The following GNG2 variants were observed in gnomAD, a reference collection of about 807,000 sequenced individuals.
GNG2 encodes the protein G protein subunit gamma 2.
In GNG2, 5 loss-of-function variants were observed where a neutral mutation model predicts 5.5. That is an observed-to-expected ratio of 0.91 (90% confidence interval 0.48 to 1.92). The LOEUF is 1.92. Ranked by LOEUF, GNG2 falls within the 30% of genes most tolerant of loss-of-function variation. The pLI is 0.01. For missense variants in GNG2, 55 were observed against 88.4 expected (o/e 0.62, Z 1.52); for synonymous variants, 28 against 32.0 (o/e 0.88, Z 0.42).
At chr14:51,942,346 G>T (rs1049980577) in intron 2 of GNG2, among the ~76,000 whole-genome samples, 1 of 151,798 alleles carries the variant, frequency 6.6e-6, no homozygotes, top group Admixed American at 6.6e-5. Flanking sequence ...ATTCATTGTT[G>T]ACTGGCCTAC....
intron 2 of GNG2, among the ~76,000 whole-genome samples, chr14:51,939,504 G>C (rs1203536176): frequency 2.0e-5 from 3 of 152,150 alleles, no homozygotes; most frequent in Non-Finnish European, 4.4e-5. Context: ...GCGTGAGACA[G>C]GGAAGCCATG....
chr14:51,912,255 A>G (rs1042659796), intron 2 of GNG2, among the ~76,000 whole-genome samples: 3 of 151,996 alleles, frequency 2.0e-5, no homozygotes, highest in Non-Finnish European at 4.4e-5. Flanking sequence ...AGAATGGGGG[A>G]GATATAGTAA....
At chr14:51,866,468 T>C (rs1336730299) in intron 1 of GNG2, among the ~76,000 whole-genome samples, 1 of 152,242 alleles carries the variant, frequency 6.6e-6, no homozygotes, top group Non-Finnish European at 1.5e-5. Context: ...CTCAACCTCA[T>C]TCTTACCACC....
intron 2 of GNG2, among the ~76,000 whole-genome samples, chr14:51,915,334 A>G (rs1886552627): frequency 6.6e-6 from 1 of 152,226 alleles, no homozygotes; most frequent in Non-Finnish European, 1.5e-5. Flanking sequence ...ATTATGAGGG[A>G]GAGGATGCAT....
At chr14:51,953,847 C>A (rs1027827003) in intron 3 of GNG2, among the ~76,000 whole-genome samples, 1 of 152,174 alleles carries the variant, frequency 6.6e-6, no homozygotes, top group Admixed American at 6.6e-5. Context: ...CAGGAAGGGG[C>A]TTCTCTCTGA....
At chr14:51,958,764 C>T (rs1196869872) in intron 3 of GNG2, among the ~76,000 whole-genome samples, 1 of 152,106 alleles carries the variant, frequency 6.6e-6, no homozygotes, top group African/African-American at 2.4e-5. Flanking sequence ...GCTCTGATAT[C>T]CCATCATGAG....
At chr14:51,827,076 G>A (rs1417398919) in intron 1 of GNG2, among the ~76,000 whole-genome samples, 2 of 152,152 alleles carry the variant, frequency 1.3e-5, no homozygotes, top group African/African-American at 4.8e-5. Context: ...GAGGCTAGAC[G>A]GTGACAGCAG....
chr14:51,882,499 C>T (rs375385294), intron 2 of GNG2, among the ~76,000 whole-genome samples: 1 of 152,068 alleles, frequency 6.6e-6, no homozygotes, highest in African/African-American at 2.4e-5. Flanking sequence ...ATTAGGAAAC[C>T]CTTGAAGGGT....
chr14:51,839,634 C>T (rs1180092992), intron 2 of GNG2, among the ~76,000 whole-genome samples: 5 of 152,036 alleles, frequency 3.3e-5, no homozygotes, highest in African/African-American at 9.7e-5. Context: ...GAGTTAACTG[C>T]AAAGGAGTAT....
At chr14:51,927,228 T>A (rs1887384724) in intron 2 of GNG2, among the ~76,000 whole-genome samples, 1 of 7,010 alleles carries the variant, frequency 1.4e-4, no homozygotes, top group Admixed American at 1.5e-3. Context: ...TAAGACTCAT[T>A]GGGTGAATAA....
At chr14:51,869,945 C>T (rs2140119235) in intron 1 of GNG2, among the ~76,000 whole-genome samples, 1 of 152,282 alleles carries the variant, frequency 6.6e-6, no homozygotes, top group South Asian at 2.1e-4. Context: ...CTCCCGAGGC[C>T]ATGGAGCAGC....
intron 2 of GNG2, among the ~76,000 whole-genome samples, chr14:51,852,190 A>G (rs1192151982): frequency 1.3e-5 from 2 of 152,228 alleles, no homozygotes; most frequent in Non-Finnish European, 2.9e-5. Context: ...ATCATAAACA[A>G]TAATGTATAA....
intron 2 of GNG2, among the ~76,000 whole-genome samples, chr14:51,830,758 C>T (rs1300073045): frequency 1.3e-5 from 2 of 152,180 alleles, no homozygotes; most frequent in South Asian, 2.1e-4. Context: ...TCTTAATAAG[C>T]CTCCTTGCTT....
At chr14:51,918,508 G>A (rs1594914387) in intron 2 of GNG2, 1 of 152,210 alleles carries the variant, frequency 6.6e-6, no homozygotes, top group Non-Finnish European at 1.5e-5. Flanking sequence ...TAAAAGAACA[G>A]TTGTACATCT....
intron 2 of GNG2, among the ~76,000 whole-genome samples, chr14:51,889,336 C>T (rs1430368366): frequency 6.6e-6 from 1 of 152,032 alleles, no homozygotes; most frequent in African/African-American, 2.4e-5. Flanking sequence ...TGGTCACAAA[C>T]TCCTGACCTC....
At chr14:51,879,665 C>T (rs1171943835) in intron 2 of GNG2, among the ~76,000 whole-genome samples, 1 of 152,192 alleles carries the variant, frequency 6.6e-6, no homozygotes, top group Non-Finnish European at 1.5e-5. Flanking sequence ...TCTTCAAAGC[C>T]AGTAGCATTG....
intron 2 of GNG2, among the ~76,000 whole-genome samples, chr14:51,889,539 T>C (rs1449888896): frequency 1.3e-5 from 2 of 152,242 alleles, no homozygotes; most frequent in African/African-American, 4.8e-5. Flanking sequence ...TTTCATTATA[T>C]ATCAGTAAAA....
chr14:51,847,351 A>G (rs1881663225), intron 2 of GNG2: 1 of 152,290 alleles, frequency 6.6e-6, no homozygotes, highest in South Asian at 2.1e-4. Context: ...AGATTCTCTG[A>G]CACTTCAAGT....
intron 2 of GNG2, among the ~76,000 whole-genome samples, chr14:51,902,728 C>CA (rs566093827): frequency 8.2e-4 from 124 of 152,130 alleles, no homozygotes; most frequent in Middle Eastern, 3.4e-3. Context: ...ACTGTCTGTA[C>CA]AAAAAATTTA....
Sources: gnomAD v4.1 joint callset for allele counts (sites outside exome capture counted in the v4.1 genomes callset) on GRCh38, gnomAD v4.1.1 for gene constraint, MANE v1.5 for transcripts, NCBI Gene and HGNC (gene_info 2026-07-23, HGNC 2026-07-21) for gene names.